The following ZNF207 variants were observed in gnomAD, a reference collection of about 807,000 sequenced individuals.
ZNF207 encodes BUB3-interacting and GLEBS motif-containing protein ZNF207.
ZNF207 carries 24 observed loss-of-function variants against 60.2 expected under a neutral mutation model. The ratio of observed to expected loss-of-function variants is 0.40; its 90% CI spans 0.29 to 0.56. The LOEUF is 0.56. ZNF207 is among the 20% of genes least tolerant of loss of function. The pLI, the probability that ZNF207 is intolerant of heterozygous loss-of-function variation, is 0.49. For missense variants in ZNF207, 452 were observed against 636.6 expected, an observed-to-expected ratio of 0.71 and a Z score of 3.12; for synonymous variants, 236 against 194.7, an observed-to-expected ratio of 1.21 and a Z score of -1.77.
At chr17:32,354,510 C>T (rs370493461) in intron 2 of ZNF207, among the ~76,000 whole-genome samples, 1 of 151,912 alleles carries the variant, frequency 6.6e-6, no homozygotes, top group East Asian at 1.9e-4. Flanking sequence ...GGCTTCACCA[C>T]GTTGGCCAGG....
In ZNF207 at chr17:32,366,668, G is replaced by A; in HGVS notation, c.832G>A (p.Gly278Arg). The A allele has an allele frequency of 6.2e-7, 1 of 1,603,756 alleles. No homozygotes were observed. The highest frequency in any genetic ancestry group is 1.1e-5 in the South Asian group (1 of 89,234). The change falls in exon 9 of 12, where the codon GGG becomes AGG. Residue 278 changes from glycine to arginine, a missense_variant. Physicochemically the swap from Gly to Arg is moderately radical, Grantham distance 125. This residue lies in a region of ZNF207 where 390 missense variants were observed against 461.4 expected (regional missense o/e 0.85). Transcript: ENST00000394670. ...TTTCCTTTCTTTTATGCTACAGATG[G>A]GGACACCTGTCACAAGCTCAAGTAC... ...KPLFPSAGQM[G>R]TPVTSSSTAS...
chr17:32,363,379 C>A (rs549665978), intron 7 of ZNF207, among the ~76,000 whole-genome samples: 14 of 151,594 alleles, frequency 9.2e-5, no homozygotes, highest in Non-Finnish European at 2.1e-4. Context: ...TGAGCCACCA[C>A]GCCTGGCTGG....
At position 32,371,918 on chromosome 17, in the gene ZNF207, G is replaced by C. The variant is rs772171476; in HGVS notation, c.*2159G>C. The C allele has an allele frequency of 4.6e-5, 7 of 152,118 alleles. No homozygotes were observed. Among genetic ancestry groups the C allele is most frequent in the Non-Finnish European group, 8.8e-5 (6 of 68,028 alleles). 9.4% of individuals were successfully genotyped at this position (152,118 alleles called of 1,614,324 possible). On this transcript the variant is annotated 3_prime_UTR_variant, in exon 12 of 12. Coordinates refer to ENST00000394670, the MANE Select transcript of ZNF207 (RefSeq NM_001098507.2). ...CTCTGAACCTCTGCTTACCTAAATG[G>C]TTTCAAAATTAATACATGCTGCTTT...
chr17:32,372,695 C>T lies in ZNF207; in HGVS notation c.*2936C>T, dbSNP rs1013369590. On this transcript the variant is annotated 3_prime_UTR_variant, in exon 12 of 12. Transcript: ENST00000394670. ...CATGCATCCAAACGTAATTAAGCTT[C>T]TAGAAAATACCTTTTTTCTAAATGC... The T allele has an allele frequency of 3.9e-5, 6 of 152,172 alleles. No homozygotes were observed. Among genetic ancestry groups the T allele is most frequent in the African/African-American group, 1.4e-4 (6 of 41,442 alleles). The allele number at this position is 152,172 out of a possible 1,614,324, so 9.4% of individuals were successfully genotyped here.
chr17:32,358,743 G>C, intron 3 of ZNF207, 102 bp downstream of exon 3: 3 of 919,350 alleles, frequency 3.3e-6, no homozygotes, highest in Non-Finnish European at 4.4e-6. Context: ...GAGTACAGTG[G>C]TGTGATCTGG....
Position 32,360,731 on chromosome 17 carries a change from G to A in ZNF207, c.441G>A (p.Leu147=). The A allele has an allele frequency of 1.2e-6, 2 of 1,614,046 alleles. No homozygotes were observed. The highest frequency in any genetic ancestry group is 1.7e-6 in the Non-Finnish European group (2 of 1,180,016). Residue 147 remains leucine (L), a synonymous_variant, in exon 4 of 12, where the codon CTG becomes CTA. Coordinates refer to ENST00000394670, the MANE Select transcript of ZNF207 (RefSeq NM_001098507.2). ...GYIPPMAQPG[L]PPVPGAPGMP... ...TTCCTCCAATGGCACAGCCAGGACT[G>A]CCACCAGTACCAGGAGCACCAGGAA...
intron 7 of ZNF207, 46 bp downstream of exon 7, chr17:32,363,030 T>TA: frequency 1.3e-6 from 2 of 1,556,702 alleles, no homozygotes; most frequent in Non-Finnish European, 1.7e-6. Flanking sequence ...CAGGCTTTAT[T>TA]TCTAAGTTTT....
rs530325881 is a variant in ZNF207 at position 32,380,300 on chromosome 17, T to C, written c.*10541T>C. 2 of 152,728 alleles carry C rather than the reference T, an allele frequency of 1.3e-5. No homozygotes were observed. The highest frequency in any genetic ancestry group is 2.4e-5 in the African/African-American group (1 of 41,582). 9.5% of individuals were successfully genotyped at this position (152,728 alleles called of 1,614,324 possible). ...TGAGCAATAATTATTGCATCTCTTT[T>C]GCGACTTCATGTAGATGTGATTAAC... On this transcript the variant is annotated 3_prime_UTR_variant, in exon 12 of 12. Transcript: ENST00000394670.
At chr17:32,358,480 C>G (rs1904675320) in intron 2 of ZNF207, 23 bp from the exon 3 acceptor site, 1 of 1,528,006 alleles carries the variant, frequency 6.5e-7, no homozygotes, top group Admixed American at 2.5e-5. Flanking sequence ...AGACTTTTAT[C>G]TAATGGAAAT....
chr17:32,365,621 A>G (rs1208743774), intron 8 of ZNF207, 134 bp downstream of exon 8: 1 of 807,346 alleles, frequency 1.2e-6, no homozygotes, highest in Non-Finnish European at 1.7e-6. Flanking sequence ...TAAATATACT[A>G]AAAGGTGGCT....
chr17:32,362,749 G>A (rs1185389702), intron 6 of ZNF207, 165 bp from the exon 7 acceptor site: 1 of 505,834 alleles, frequency 2.0e-6, no homozygotes, highest in Non-Finnish European at 3.4e-6. Context: ...ATTTTGATAG[G>A]ATTGTTACAG....
At chr17:32,360,515 A>G (rs1036678681) in intron 3 of ZNF207, 83 bp from the exon 4 acceptor site, 46 of 1,293,384 alleles carry the variant, frequency 3.6e-5, no homozygotes, top group Non-Finnish European at 4.6e-5. Context: ...AATTTTACCC[A>G]TATATGTATT....
intron 2 of ZNF207, 88 bp from the exon 3 acceptor site, chr17:32,358,415 A>G: frequency 7.5e-7 from 1 of 1,333,466 alleles, no homozygotes; most frequent in Non-Finnish European, 1.0e-6. Context: ...TCACTATAGA[A>G]CATTTATTCT....
Position 32,365,286 on chromosome 17 carries a change from A to C in ZNF207, c.671-44A>C, listed in dbSNP as rs368667931. On this transcript the variant is annotated intron_variant, in intron 7 of 11. Coordinates refer to ENST00000394670, the MANE Select transcript of ZNF207 (RefSeq NM_001098507.2). Reference sequence around the variant, plus strand: ...TATAGAAGCGTTTTTTTCCACACTAAATTTTTCAGTGACTCAATTTCCCCA... The same window carrying C: ...TATAGAAGCGTTTTTTTCCACACTACATTTTTCAGTGACTCAATTTCCCCA... 5.7e-6 allele frequency: 9 copies of C among 1,581,284 alleles called. No homozygotes were observed. In the African/African-American group the frequency reaches 1.2e-4, roughly 22 times the overall value.
At chr17:32,361,555 CATA>C in intron 6 of ZNF207, 40 bp downstream of exon 6, 1 of 1,549,872 alleles carries the variant, frequency 6.5e-7, no homozygotes, top group Non-Finnish European at 8.8e-7. Flanking sequence ...GAGGTATAAT[CATA>C]CTGTCATTTT....
In ZNF207 at chr17:32,371,351, T is replaced by C. The variant is rs1330423124; in HGVS notation, c.*1592T>C. On this transcript the variant is annotated 3_prime_UTR_variant, in exon 12 of 12. Coordinates refer to ENST00000394670, the MANE Select transcript of ZNF207 (RefSeq NM_001098507.2). Reference sequence around the variant, plus strand: ...GGCTTTAACTTTGAAGGAAAATATATTGAAAAGTGATTTAGCCATCACAAA... The same window carrying C: ...GGCTTTAACTTTGAAGGAAAATATACTGAAAAGTGATTTAGCCATCACAAA... The C allele has an allele frequency of 6.6e-6, 1 of 152,246 alleles. No individual in the cohort carries two copies. Among genetic ancestry groups the C allele is most frequent in the East Asian group, 1.9e-4 (1 of 5,200 alleles). The allele number at this position is 152,246 out of a possible 1,614,324, so 9.4% of individuals were successfully genotyped here.
At position 32,377,157 on chromosome 17, in the gene ZNF207, A is replaced by C. The variant is rs1470269686; in HGVS notation, c.*7398A>C. On this transcript the variant is annotated 3_prime_UTR_variant, in exon 12 of 12. Coordinates refer to ENST00000394670, the MANE Select transcript of ZNF207 (RefSeq NM_001098507.2). ...AGAGAACACTGGGTAGTATTGTTTGACTTAAGAACCTTAAATATATTGAAA... is the reference window on the plus strand; with the variant it reads ...AGAGAACACTGGGTAGTATTGTTTGCCTTAAGAACCTTAAATATATTGAAA... The C allele has an allele frequency of 6.6e-6, 1 of 152,078 alleles. No individual in the cohort carries two copies. The highest frequency in any genetic ancestry group is 2.4e-5 in the African/African-American group (1 of 41,454). The allele number at this position is 152,078 out of a possible 1,614,324, so 9.4% of individuals were successfully genotyped here.
intron 2 of ZNF207, among the ~76,000 whole-genome samples, chr17:32,355,883 G>T (rs1219162843): frequency 6.6e-6 from 1 of 152,200 alleles, no homozygotes; most frequent in Non-Finnish European, 1.5e-5. Flanking sequence ...GACAAAGAGC[G>T]ATTTCCAAGA....
Position 32,350,257 on chromosome 17 carries a change from C to T in ZNF207, c.-29C>T, listed in dbSNP as rs766585515. The stretch of plus-strand genomic sequence containing the variant: ...TCGTTTCTCCTGCTTCTTTTCTCCT[C>T]CCTTTTACTTTGCCGGTAGAACACA... On this transcript the variant is annotated 5_prime_UTR_variant, in exon 1 of 12. Coordinates refer to ENST00000394670, the MANE Select transcript of ZNF207 (RefSeq NM_001098507.2). 10 of 1,613,964 alleles carry T rather than the reference C, an allele frequency of 6.2e-6. No individual in the cohort carries two copies. In the East Asian group the frequency reaches 1.3e-4, roughly 22 times the overall value.
Sources: gnomAD v4.1 joint callset for allele counts (sites outside exome capture counted in the v4.1 genomes callset) on GRCh38, gnomAD v4.1.1 for gene constraint, gnomAD v4.1.1 regional missense constraint, MANE v1.5 for transcripts, NCBI Gene and HGNC (gene_info 2026-07-23, HGNC 2026-07-21) for gene names.